WWOX: variants seen among roughly 807,000 people sequenced by gnomAD.
WWOX encodes the protein WW domain-containing oxidoreductase.
Under a neutral mutation model 46.2 loss-of-function variants are expected in WWOX, and 69 were observed. That is an observed-to-expected ratio of 1.49 (90% CI 1.23 to 1.82). The LOEUF is 1.82. WWOX is among the 40% of genes most tolerant of loss of function. The pLI is 0.00. For missense variants in WWOX, 919 were observed against 542.6 expected, an observed-to-expected ratio of 1.69 and a Z score of -6.89; for synonymous variants, 359 against 202.6, an observed-to-expected ratio of 1.77 and a Z score of -6.56.
intron 8 of WWOX, among the ~76,000 whole-genome samples, chr16:78,679,357 C>T (rs941158024): frequency 6.6e-6 from 1 of 152,122 alleles, no homozygotes; most frequent in Non-Finnish European, 1.5e-5. Flanking sequence ...TCGAGACCAG[C>T]TTGGCCATCA....
intron 8 of WWOX, among the ~76,000 whole-genome samples, chr16:78,521,663 C>G (rs1357374246): frequency 1.3e-5 from 2 of 152,156 alleles, no homozygotes; most frequent in East Asian, 3.8e-4. Context: ...GGTTCCCAGT[C>G]TAGTTCACAG....
chr16:78,884,368 G>T (rs181182876), intron 8 of WWOX, among the ~76,000 whole-genome samples: 1 of 151,434 alleles, frequency 6.6e-6, no homozygotes. Context: ...ACAAGAGTGT[G>T]TTTAGCAGCA....
chr16:78,834,792 T>C (rs1215441222), intron 8 of WWOX, among the ~76,000 whole-genome samples: 1 of 152,198 alleles, frequency 6.6e-6, no homozygotes, highest in African/African-American at 2.4e-5. Context: ...ATTACATTAG[T>C]TTACCCAGAA....
intron 8 of WWOX, among the ~76,000 whole-genome samples, chr16:79,039,811 C>T (rs1326209214): frequency 6.6e-6 from 1 of 152,172 alleles, no homozygotes; most frequent in African/African-American, 2.4e-5. Context: ...TTTGCGTGCT[C>T]TTCTGTCTGT....
intron 8 of WWOX, among the ~76,000 whole-genome samples, chr16:78,998,993 G>C (rs2047042825): frequency 6.6e-6 from 1 of 152,210 alleles, no homozygotes; most frequent in Admixed American, 6.5e-5. Flanking sequence ...AGATGTAACA[G>C]CGGAATATTC....
At chr16:78,404,938 C>A (rs1367703475) in intron 6 of WWOX, among the ~76,000 whole-genome samples, 1 of 152,212 alleles carries the variant, frequency 6.6e-6, no homozygotes, top group South Asian at 2.1e-4. Flanking sequence ...GCCCATTGCA[C>A]TAAGTGCCAT....
At chr16:79,060,032 A>T (rs1384632242) in intron 8 of WWOX, among the ~76,000 whole-genome samples, 1 of 152,162 alleles carries the variant, frequency 6.6e-6, no homozygotes, top group Non-Finnish European at 1.5e-5. Context: ...TACAAAGCTG[A>T]TAAATAACTG....
chr16:78,205,046 A>T (rs1432639077), intron 5 of WWOX, among the ~76,000 whole-genome samples: 1 of 152,248 alleles, frequency 6.6e-6, no homozygotes. Flanking sequence ...CTTATGGCAG[A>T]CATGAACATG....
intron 5 of WWOX, among the ~76,000 whole-genome samples, chr16:78,334,467 T>C (rs1035726934): frequency 6.6e-6 from 1 of 152,180 alleles, no homozygotes; most frequent in African/African-American, 2.4e-5. Context: ...GCAAGCACTT[T>C]CGGTGAGGTG....
At chr16:78,377,021 G>A (rs1381839558) in intron 5 of WWOX, among the ~76,000 whole-genome samples, 2 of 152,230 alleles carry the variant, frequency 1.3e-5, no homozygotes, top group African/African-American at 4.8e-5. Context: ...TGTGTTTGGA[G>A]CTACACGTCT....
chr16:78,107,772 C>T (rs1446952132), intron 1 of WWOX, among the ~76,000 whole-genome samples: 1 of 152,084 alleles, frequency 6.6e-6, no homozygotes, highest in Non-Finnish European at 1.5e-5. Flanking sequence ...GAGTTCCAGT[C>T]CAGCCTGGGC....
rs191066891 is a variant in WWOX, at chr16:78,752,967, G to A, written c.1056+320215G>A. Among the ~76,000 whole-genome samples the A allele has an allele frequency of 1.8e-3, 277 of 152,288 alleles. 1 individual carries two copies. Among genetic ancestry groups the A allele is most frequent in the Middle Eastern group, 0.01 (3 of 294 alleles). Reference sequence around the variant, plus strand: ...GGGGATAATTCTAGGCCGTTTGTCTGCCTGGTTCTTCCAGGATAGAGGCAG... The same window carrying A: ...GGGGATAATTCTAGGCCGTTTGTCTACCTGGTTCTTCCAGGATAGAGGCAG... On this transcript the variant is annotated intron_variant, in intron 8 of 8. Coordinates refer to ENST00000566780, the MANE Select transcript of WWOX (RefSeq NM_016373.4).
intron 8 of WWOX, among the ~76,000 whole-genome samples, chr16:78,508,607 A>G (rs894845518): frequency 6.6e-6 from 1 of 152,158 alleles, no homozygotes; most frequent in South Asian, 2.1e-4. Flanking sequence ...AATTACAGCA[A>G]ATGATTCAGA....
At chr16:78,803,398 T>C (rs541919101) in intron 8 of WWOX, among the ~76,000 whole-genome samples, 3 of 152,312 alleles carry the variant, frequency 2.0e-5, no homozygotes, top group Admixed American at 6.5e-5. Context: ...TTCTGTTTTA[T>C]ATGGAGGTTT....
intron 8 of WWOX, among the ~76,000 whole-genome samples, chr16:78,546,828 A>G (rs1331196544): frequency 6.6e-6 from 1 of 152,162 alleles, no homozygotes; most frequent in Non-Finnish European, 1.5e-5. Flanking sequence ...AGTAGTTGTT[A>G]AGAACTACCA....
chr16:78,122,760 A>G (rs1046552587), intron 4 of WWOX, among the ~76,000 whole-genome samples: 1 of 151,948 alleles, frequency 6.6e-6, no homozygotes, highest in Non-Finnish European at 1.5e-5. Context: ...GTGAGCCACT[A>G]TGTCCGGCTA....
chr16:79,115,744 G>A (rs537383785), intron 8 of WWOX, among the ~76,000 whole-genome samples: 4 of 152,252 alleles, frequency 2.6e-5, no homozygotes, highest in East Asian at 1.9e-4. Flanking sequence ...ACTGACCTGC[G>A]TGTAGAAGTT....
rs149873212 is a variant in WWOX, at chr16:78,573,772, C to G, written c.1056+141020C>G. Reference sequence around the variant, plus strand: ...GTCCTTGCCACACCATCTGCTCATTCTCGATCTCCACTTGAACACACTTCA... The same window carrying G: ...GTCCTTGCCACACCATCTGCTCATTGTCGATCTCCACTTGAACACACTTCA... On this transcript the variant is annotated intron_variant, in intron 8 of 8. Coordinates refer to ENST00000566780, the MANE Select transcript of WWOX (RefSeq NM_016373.4). Among the ~76,000 whole-genome samples the G allele has an allele frequency of 5.9e-5, 9 of 152,346 alleles. No individual in the cohort carries two copies. The East Asian group carries it at 1.2e-3, about 20-fold the overall frequency.
At chr16:78,613,770 C>A (rs1393775596) in intron 8 of WWOX, among the ~76,000 whole-genome samples, 1 of 152,144 alleles carries the variant, frequency 6.6e-6, no homozygotes, top group Admixed American at 6.5e-5. Flanking sequence ...GATCCCAACC[C>A]CTTATCAGAA....
Sources: allele counts gnomAD v4.1 joint callset (sites outside exome capture counted in the v4.1 genomes callset), GRCh38; gene constraint gnomAD v4.1.1; transcripts MANE v1.5; gene names NCBI Gene and HGNC (gene_info 2026-07-23, HGNC 2026-07-21).